PTBP3: variants seen among roughly 807,000 people sequenced by gnomAD.
The protein encoded by PTBP3 is polypyrimidine tract-binding protein 3.
PTBP3 carries 20 observed loss-of-function variants against 58.7 expected under a neutral mutation model. The ratio of observed to expected loss-of-function variants is 0.34; its 90% CI spans 0.24 to 0.50. PTBP3 has a LOEUF of 0.50. PTBP3 is among the 20% of genes least tolerant of loss of function. The pLI is 0.98. For synonymous variants in PTBP3, 185 were observed against 219.8 expected (o/e 0.84, Z 1.40); for missense variants, 509 against 637.2 (o/e 0.80, Z 2.17).
intron 7 of PTBP3, among the ~76,000 whole-genome samples, chr9:112,239,851 G>T (rs1490757486): frequency 2.4e-5 from 2 of 83,750 alleles, no homozygotes; most frequent in African/African-American, 9.0e-5. Flanking sequence ...GGGAGGGAGG[G>T]AGGGAGGGAG....
At chr9:112,320,625 A>G (rs10759550) in intron 1 of PTBP3, among the ~76,000 whole-genome samples, 127,536 of 151,788 alleles carry the variant, frequency 0.84, 53,885 homozygotes, top group African/African-American at 0.92. Flanking sequence ...AGAACAAAAC[A>G]ACTCGACTTT....
chr9:112,339,080 G>T, the PTBP3 span, among the ~76,000 whole-genome samples: 1 of 151,902 alleles, frequency 6.6e-6, no homozygotes, highest in Non-Finnish European at 1.5e-5. Context: ...TAAATTCACA[G>T]AAAATCATCC....
chr9:112,368,561 C>T, the PTBP3 span, among the ~76,000 whole-genome samples: 1 of 151,836 alleles, frequency 6.6e-6, no homozygotes, highest in Admixed American at 6.6e-5. Context: ...GATTCCCTCA[C>T]AATATTACAA....
the PTBP3 span, among the ~76,000 whole-genome samples, chr9:112,359,253 C>T: frequency 1.3e-5 from 2 of 151,382 alleles, no homozygotes; most frequent in African/African-American, 4.9e-5. Flanking sequence ...CCAGCCTGGC[C>T]AACGTGGTGA....
the PTBP3 span, among the ~76,000 whole-genome samples, chr9:112,359,271 T>A: frequency 1.3e-5 from 2 of 151,096 alleles, no homozygotes; most frequent in Non-Finnish European, 2.9e-5. Flanking sequence ...TGAAACCCCA[T>A]CTTTACTAAA....
At chr9:112,348,520 T>G in the PTBP3 span, among the ~76,000 whole-genome samples, 7 of 152,248 alleles carry the variant, frequency 4.6e-5, no homozygotes, top group African/African-American at 1.2e-4. Flanking sequence ...ACAGAGCATG[T>G]GGCCCCTCCC....
the PTBP3 span, among the ~76,000 whole-genome samples, chr9:112,351,963 TC>T: frequency 1.4e-5 from 2 of 147,342 alleles, no homozygotes; most frequent in African/African-American, 4.9e-5. Flanking sequence ...TTTTTTTTTT[TC>T]CCCCAAGACA....
At chr9:112,231,970 AGAAGAGAAGAGAAGAGAAGAGAAG>A (rs1564391409) in intron 9 of PTBP3, 105 bp downstream of exon 9, 2 of 350,378 alleles carry the variant, frequency 5.7e-6, no homozygotes, top group African/African-American at 6.4e-5. Flanking sequence ...AAGAGAAGAG[AGAAGAGAAGAGAAGAGAAGAGAAG>A]AGAAGAGAAG....
At chr9:112,285,884 C>T (rs1828092997) in intron 2 of PTBP3, among the ~76,000 whole-genome samples, 1 of 152,158 alleles carries the variant, frequency 6.6e-6, no homozygotes, top group African/African-American at 2.4e-5. Context: ...TCTACTATAC[C>T]ATCAATGACT....
At position 112,232,876 on chromosome 9, in the gene PTBP3, CA is replaced by C. The variant is rs1835298706; in HGVS notation, c.881-639del. Reference sequence around the variant, plus strand: ...CAGAATACTGACACTATACTTAAAACAGCACACTTTCCCACTATTTTGTGTT... The same window carrying C: ...CAGAATACTGACACTATACTTAAAACGCACACTTTCCCACTATTTTGTGTT... On this transcript the variant is annotated intron_variant, in intron 8 of 13. Transcript: ENST00000374257. Among the ~76,000 whole-genome samples, 3 of 152,114 alleles carry C rather than the reference CA, an allele frequency of 2.0e-5. No individual in the cohort carries two copies. In the South Asian group the frequency reaches 6.2e-4, roughly 31 times the overall value.
chr9:112,229,190 A>G (rs1835107596), intron 10 of PTBP3, among the ~76,000 whole-genome samples: 1 of 152,224 alleles, frequency 6.6e-6, no homozygotes, highest in Admixed American at 6.5e-5. Flanking sequence ...AGTCAATTCC[A>G]GTCTCACTCG....
rs1534069 is a variant in PTBP3 at position 112,223,217 on chromosome 9, T to C, written c.*634A>G. 0.28 allele frequency: 266,261 copies of C among 937,346 alleles called. 40,254 individuals are homozygous for C. Among genetic ancestry groups the C allele is most frequent in the South Asian group, 0.41 (8,161 of 20,138 alleles). The allele number at this position is 937,346 out of a possible 1,614,324, so 58.1% of individuals were successfully genotyped here. A position where few individuals can be genotyped will look rare whatever the true frequency, so the allele number is the denominator to read the frequency against. On this transcript the variant is annotated 3_prime_UTR_variant, in exon 14 of 14. Transcript: ENST00000374257. Reference sequence around the variant, plus strand: ...CCAAATAGTCTTAAAAAGTTAAAGATAGGCATTATTTAAAGGAGTGTCTTA... The same window carrying C: ...CCAAATAGTCTTAAAAAGTTAAAGACAGGCATTATTTAAAGGAGTGTCTTA...
At chr9:112,313,527 G>A (rs1829573027) in intron 1 of PTBP3, among the ~76,000 whole-genome samples, 3 of 152,178 alleles carry the variant, frequency 2.0e-5, no homozygotes, top group Non-Finnish European at 1.5e-5. Context: ...CAGAAACCTG[G>A]ACATGGCTTA....
At position 112,221,664 on chromosome 9, in the gene PTBP3, C is replaced by T. The variant is rs949941683; in HGVS notation, c.*2187G>A. ...AAAAAAACAAAAAACTAAAAACTCCCACAACTACATACATGAGTATATCTA... is the reference window on the plus strand; with the variant it reads ...AAAAAAACAAAAAACTAAAAACTCCTACAACTACATACATGAGTATATCTA... On this transcript the variant is annotated 3_prime_UTR_variant, in exon 14 of 14. Coordinates refer to ENST00000374257, the MANE Select transcript of PTBP3 (RefSeq NM_001163788.4). 1 of 985,106 alleles carries T rather than the reference C, an allele frequency of 1.0e-6. No homozygotes were observed. Among genetic ancestry groups the T allele is most frequent in the Non-Finnish European group, 1.2e-6 (1 of 829,832 alleles). 61.0% of individuals were successfully genotyped at this position (985,106 alleles called of 1,614,324 possible). A position where few individuals can be genotyped will look rare whatever the true frequency, so the allele number is the denominator to read the frequency against.
rs1028104561 is a variant in PTBP3, at chr9:112,221,787, C to T, written c.*2064G>A. On this transcript the variant is annotated 3_prime_UTR_variant, in exon 14 of 14. Transcript: ENST00000374257. ...GTTGCTCAGTGGTGAGTGAATTCTGCTTTTTAAACAATCTGTATCATCTCT... is the reference window on the plus strand; with the variant it reads ...GTTGCTCAGTGGTGAGTGAATTCTGTTTTTTAAACAATCTGTATCATCTCT... The T allele has an allele frequency of 5.1e-6, 5 of 985,138 alleles. No homozygotes were observed. Among genetic ancestry groups the T allele is most frequent in the Non-Finnish European group, 6.0e-6 (5 of 829,828 alleles). 61.0% of individuals were successfully genotyped at this position (985,138 alleles called of 1,614,324 possible). A position where few individuals can be genotyped will look rare whatever the true frequency, so the allele number is the denominator to read the frequency against.
At chr9:112,323,181 G>A (rs552242239) in intron 1 of PTBP3, among the ~76,000 whole-genome samples, 1 of 152,330 alleles carries the variant, frequency 6.6e-6, no homozygotes, top group African/African-American at 2.4e-5. Context: ...GGACCCACAC[G>A]TTCAAGGCTG....
the PTBP3 span, among the ~76,000 whole-genome samples, chr9:112,373,054 C>T: frequency 6.6e-5 from 10 of 151,956 alleles, no homozygotes; most frequent in Non-Finnish European, 1.3e-4. Context: ...CCACCATGCC[C>T]GGCTAATTTT....
intron 1 of PTBP3, among the ~76,000 whole-genome samples, chr9:112,316,705 C>A (rs962305791): frequency 6.6e-6 from 1 of 151,908 alleles, no homozygotes; most frequent in African/African-American, 2.4e-5. Context: ...TTTGGGAGGC[C>A]GAGGCGGGTG....
chr9:112,372,420 C>T, the PTBP3 span, among the ~76,000 whole-genome samples: 2 of 152,174 alleles, frequency 1.3e-5, no homozygotes, highest in African/African-American at 4.8e-5. Flanking sequence ...GTGGAATTCA[C>T]ATATGAAATT....
Sources: allele counts gnomAD v4.1 joint callset (sites outside exome capture counted in the v4.1 genomes callset), GRCh38; gene constraint gnomAD v4.1.1; transcripts MANE v1.5; gene names NCBI Gene and HGNC (gene_info 2026-07-23, HGNC 2026-07-21).